The following DLG2 variants were observed in gnomAD, a reference collection of about 807,000 sequenced individuals.
The protein encoded by DLG2 is disks large homolog 2.
Under a neutral mutation model 132.5 loss-of-function variants are expected in DLG2, and 45 were observed. That is an observed-to-expected ratio of 0.34 (90% CI 0.27 to 0.44). DLG2 has a LOEUF of 0.44. DLG2 is among the 20% of genes least tolerant of loss of function. The probability of loss-of-function intolerance (pLI) is 1.00; values close to 1 mark genes in which losing one functional copy is unlikely to be tolerated. For missense variants in DLG2, 1,045 were observed against 1,196.9 expected, an observed-to-expected ratio of 0.87 and a Z score of 1.87; for synonymous variants, 424 against 419.6, an observed-to-expected ratio of 1.01 and a Z score of -0.13.
intron 18 of DLG2, among the ~76,000 whole-genome samples, chr11:83,650,602 G>A (rs952091955): frequency 6.6e-6 from 1 of 152,110 alleles, no homozygotes; most frequent in African/African-American, 2.4e-5. Context: ...GTAGCAATAG[G>A]AAACTAATCC....
chr11:84,049,067 A>G (rs553831402), intron 11 of DLG2, among the ~76,000 whole-genome samples: 3 of 151,792 alleles, frequency 2.0e-5, no homozygotes, highest in East Asian at 1.9e-4. Flanking sequence ...CCTCACATCA[A>G]GACTGGATAG....
At chr11:84,665,159 T>C (rs2154548451) in intron 6 of DLG2, among the ~76,000 whole-genome samples, 1 of 152,196 alleles carries the variant, frequency 6.6e-6, no homozygotes, top group South Asian at 2.1e-4. Context: ...AAATAAAGAT[T>C]TGTAAGTGCT....
chr11:84,900,930 T>G (rs561800490), intron 6 of DLG2, among the ~76,000 whole-genome samples: 6 of 152,202 alleles, frequency 3.9e-5, no homozygotes, highest in Admixed American at 3.9e-4. Context: ...AGGATCATTA[T>G]AAGAATTTAT....
intron 3 of DLG2, among the ~76,000 whole-genome samples, chr11:85,514,015 G>A (rs768959636): frequency 5.3e-5 from 8 of 151,944 alleles, no homozygotes; most frequent in Non-Finnish European, 8.8e-5. Context: ...CCTTCTGGGT[G>A]TTTTTCCAAC....
At chr11:84,195,679 G>A (rs1056072054) in intron 8 of DLG2, among the ~76,000 whole-genome samples, 8 of 152,128 alleles carry the variant, frequency 5.3e-5, no homozygotes, top group South Asian at 4.1e-4. Context: ...GTGTAATTAC[G>A]ACAATTCTTG....
chr11:85,577,379 A>T (rs1227654350), intron 3 of DLG2, among the ~76,000 whole-genome samples: 3 of 152,056 alleles, frequency 2.0e-5, no homozygotes, highest in African/African-American at 7.2e-5. Flanking sequence ...AATAGATTGT[A>T]TTGGGGTGCA....
chr11:83,530,416 T>C (rs191849127), intron 21 of DLG2, among the ~76,000 whole-genome samples: 40 of 152,150 alleles, frequency 2.6e-4, no homozygotes, highest in Admixed American at 1.4e-3. Flanking sequence ...ATAGCTTTTT[T>C]TTTTCTTGTT....
chr11:85,176,842 C>G (rs1378291289), intron 4 of DLG2, among the ~76,000 whole-genome samples: 2 of 151,862 alleles, frequency 1.3e-5, no homozygotes, highest in African/African-American at 4.8e-5. Flanking sequence ...ATGCAGCCAA[C>G]AAATATATGA....
At chr11:84,407,701 T>C (rs75787616) in intron 7 of DLG2, among the ~76,000 whole-genome samples, 2 of 152,312 alleles carry the variant, frequency 1.3e-5, no homozygotes, top group Non-Finnish European at 2.9e-5. Flanking sequence ...GGGATATTTA[T>C]TTGCAGTGCT....
rs1565750069 is a variant in DLG2 at position 84,714,606 on chromosome 11, TC to T, written c.358-179876del. ...CTTTCTCTTTCTCTTTCTTTCTCTT[TC>T]TCTTTCTCTTTCTCTTTCTCTCTCT... On this transcript the variant is annotated intron_variant, in intron 6 of 27. Transcript: ENST00000376104. Among the ~76,000 whole-genome samples, 25 of 101,894 alleles carry T rather than the reference TC, an allele frequency of 2.5e-4. 1 individual carries two copies. The highest frequency in any genetic ancestry group is 8.3e-4 in the African/African-American group (21 of 25,432). The allele number at this position is 101,894 out of a possible 152,430, so 66.8% of individuals were successfully genotyped here.
chr11:84,625,487 T>A (rs991035196), intron 6 of DLG2, among the ~76,000 whole-genome samples: 1 of 152,202 alleles, frequency 6.6e-6, no homozygotes. Flanking sequence ...TCAAATCAAG[T>A]CTGAAGTTTC....
chr11:85,482,255 C>T (rs1300867566), intron 3 of DLG2, among the ~76,000 whole-genome samples: 2 of 152,186 alleles, frequency 1.3e-5, no homozygotes, highest in Non-Finnish European at 2.9e-5. Flanking sequence ...AGGATCCAGG[C>T]TCCACCCAGT....
intron 7 of DLG2, chr11:84,316,805 G>A (rs1370844808): frequency 5.0e-6 from 8 of 1,585,448 alleles, no homozygotes; most frequent in Non-Finnish European, 6.9e-6. Flanking sequence ...TCAAGGGAAA[G>A]TCATAAGGAA....
intron 4 of DLG2, among the ~76,000 whole-genome samples, chr11:85,247,721 C>A (rs2076206083): frequency 6.6e-6 from 1 of 151,990 alleles, no homozygotes; most frequent in South Asian, 2.1e-4. Flanking sequence ...CTTGAAAAGT[C>A]TGATTTTCTG....
At chr11:84,068,095 G>T (rs1566323720) in intron 10 of DLG2, among the ~76,000 whole-genome samples, 1 of 152,070 alleles carries the variant, frequency 6.6e-6, no homozygotes, top group Non-Finnish European at 1.5e-5. Context: ...TAATATTAGA[G>T]GCCATTTTCT....
intron 6 of DLG2, among the ~76,000 whole-genome samples, chr11:84,668,661 G>C (rs2099702435): frequency 6.6e-6 from 1 of 152,086 alleles, no homozygotes; most frequent in Non-Finnish European, 1.5e-5. Context: ...ATCCCTCGTG[G>C]TTTCTAGCGT....
intron 8 of DLG2, among the ~76,000 whole-genome samples, chr11:84,183,406 G>A (rs550891337): frequency 6.6e-6 from 1 of 152,112 alleles, no homozygotes; most frequent in Admixed American, 6.6e-5. Context: ...GTGTTAGGTG[G>A]GGAGGAGGTG....
intron 6 of DLG2, among the ~76,000 whole-genome samples, chr11:84,886,114 G>T (rs982647712): frequency 6.6e-6 from 1 of 152,096 alleles, no homozygotes. Context: ...GGAGGCAACA[G>T]CTTAACCTGG....
At chr11:84,280,867 A>ATTTTTTTTTTTT (rs35970331) in intron 7 of DLG2, among the ~76,000 whole-genome samples, 8 of 67,702 alleles carry the variant, frequency 1.2e-4, no homozygotes, top group Admixed American at 6.6e-4. Flanking sequence ...TGCCCAGCCA[A>ATTTTTTTTTTTT]TTTTTTTTTT....
Sources: gnomAD v4.1 joint callset for allele counts (sites outside exome capture counted in the v4.1 genomes callset) on GRCh38, gnomAD v4.1.1 for gene constraint, MANE v1.5 for transcripts, NCBI Gene and HGNC (gene_info 2026-07-23, HGNC 2026-07-21) for gene names.